Variants in RGS5 observed in about 807,000 individuals in gnomAD.
RGS5 encodes the protein regulator of G-protein signalling 5.
A neutral mutation model predicts 18.9 loss-of-function variants in RGS5; 20 were observed. That is an observed-to-expected ratio of 1.06 (90% CI 0.74 to 1.54). The LOEUF (loss-of-function observed/expected upper bound fraction) is 1.54. Among genes scored for constraint, RGS5 ranks in the 40% most tolerant of loss-of-function variants. RGS5 has a pLI of 0.00. For missense variants in RGS5, 201 were observed against 211.8 expected (o/e 0.95, Z 0.32); for synonymous variants, 57 against 76.2 (o/e 0.75, Z 1.31).
chr1:163,281,488 C>T (rs778779345), intron 2 of RGS5, among the ~76,000 whole-genome samples: 22 of 152,124 alleles, frequency 1.4e-4, no homozygotes, highest in Admixed American at 3.3e-4. Context: ...GCCAGCCAGG[C>T]TCCTTTAAAC....
chr1:163,184,629 C>T (rs1470379451), intron 1 of RGS5, among the ~76,000 whole-genome samples: 4 of 151,924 alleles, frequency 2.6e-5, no homozygotes, highest in Non-Finnish European at 4.4e-5. Context: ...TCTAAGTTGG[C>T]CCAATATAAT....
chr1:163,149,634 T>C (rs758772255), intron 4 of RGS5, among the ~76,000 whole-genome samples: 18 of 152,306 alleles, frequency 1.2e-4, no homozygotes, highest in Non-Finnish European at 1.8e-4. Context: ...TAATTTGCAA[T>C]GTATAAATTA....
chr1:163,173,865 C>T (rs1353779308), intron 1 of RGS5, among the ~76,000 whole-genome samples: 2 of 152,016 alleles, frequency 1.3e-5, no homozygotes, highest in South Asian at 2.1e-4. Context: ...CATGAGGTCA[C>T]GCATTCAAGA....
At chr1:163,315,715 T>C (rs2101653211) in intron 1 of RGS5, among the ~76,000 whole-genome samples, 1 of 152,272 alleles carries the variant, frequency 6.6e-6, no homozygotes, top group African/African-American at 2.4e-5. Context: ...CTAATAAAGA[T>C]GAACACAGCT....
At chr1:163,223,130 C>G (rs947803674) in intron 2 of RGS5, among the ~76,000 whole-genome samples, 2 of 152,192 alleles carry the variant, frequency 1.3e-5, no homozygotes, top group Admixed American at 1.3e-4. Context: ...CAGACATGAG[C>G]CACTGCGCCC....
intron 2 of RGS5, among the ~76,000 whole-genome samples, chr1:163,231,608 A>G (rs897156639): frequency 7.2e-5 from 11 of 152,198 alleles, no homozygotes; most frequent in Admixed American, 5.9e-4. Context: ...GTAAGCCTGA[A>G]GGAATGTTTT....
intron 2 of RGS5, among the ~76,000 whole-genome samples, chr1:163,254,085 A>G (rs2101700411): frequency 6.6e-6 from 1 of 150,812 alleles, no homozygotes; most frequent in South Asian, 2.1e-4. Context: ...AGTCTTTGCT[A>G]TTGTGAATAG....
At chr1:163,263,446 A>G (rs1311815395) in intron 2 of RGS5, among the ~76,000 whole-genome samples, 3 of 152,130 alleles carry the variant, frequency 2.0e-5, no homozygotes, top group Non-Finnish European at 4.4e-5. Context: ...TCAGTTAATT[A>G]TTAGGCTAAG....
intron 1 of RGS5, among the ~76,000 whole-genome samples, chr1:163,189,217 A>C (rs1659238004): frequency 6.6e-6 from 1 of 152,168 alleles, no homozygotes; most frequent in Admixed American, 6.5e-5. Flanking sequence ...ACCGTGGCAA[A>C]ATTAAATGAC....
At position 163,144,079 on chromosome 1, in the gene RGS5, T is replaced by C. The variant is rs1316996403; in HGVS notation, c.*3263A>G. ...AGCATAATTCATACAGTAGAGAATT[T>C]GAGTACACGGGGTATGGAGAGTAGG... is the stretch of plus-strand genomic sequence containing the variant. On this transcript the variant is annotated 3_prime_UTR_variant, in exon 5 of 5. Coordinates refer to ENST00000313961, the MANE Select transcript of RGS5 (RefSeq NM_003617.4). The C allele has an allele frequency of 1.3e-5, 2 of 152,146 alleles. No individual in the cohort carries two copies. The highest frequency in any genetic ancestry group is 4.8e-5 in the African/African-American group (2 of 41,444). 9.4% of individuals were successfully genotyped at this position (152,146 alleles called of 1,614,324 possible). A position where few individuals can be genotyped will look rare whatever the true frequency, so the allele number is the denominator to read the frequency against.
chr1:163,164,274 T>G (rs1657938739), intron 2 of RGS5, among the ~76,000 whole-genome samples: 1 of 152,214 alleles, frequency 6.6e-6, no homozygotes, highest in African/African-American at 2.4e-5. Flanking sequence ...ATAAATGTTC[T>G]GGTTTGCAAG....
intron 2 of RGS5, among the ~76,000 whole-genome samples, chr1:163,165,693 G>A (rs542612699): frequency 3.4e-4 from 51 of 152,216 alleles, no homozygotes; most frequent in Admixed American, 9.8e-4. Context: ...ATCACCTGAG[G>A]TCAGGTGTTC....
intron 1 of RGS5, among the ~76,000 whole-genome samples, chr1:163,180,256 G>A (rs1428335739): frequency 6.6e-6 from 1 of 152,192 alleles, no homozygotes; most frequent in Non-Finnish European, 1.5e-5. Flanking sequence ...AATTACAGGT[G>A]TGAACCGCTG....
At chr1:163,246,440 G>A (rs12129065) in intron 2 of RGS5, among the ~76,000 whole-genome samples, 29,559 of 151,232 alleles carry the variant, frequency 0.2, 3,288 homozygotes, top group Non-Finnish European at 0.25. Context: ...GCACAGTGGC[G>A]TGCACCTGTA....
intron 2 of RGS5, among the ~76,000 whole-genome samples, chr1:163,298,231 T>A (rs1169142594): frequency 6.6e-6 from 1 of 152,124 alleles, no homozygotes; most frequent in East Asian, 1.9e-4. Context: ...CATATGCATG[T>A]ATACAAATAA....
At chr1:163,182,389 G>C (rs1403954059) in intron 1 of RGS5, among the ~76,000 whole-genome samples, 1 of 152,048 alleles carries the variant, frequency 6.6e-6, no homozygotes, top group Non-Finnish European at 1.5e-5. Flanking sequence ...TCACCTCCCT[G>C]GTGCTGTCAT....
At chr1:163,181,200 A>G (rs989606529) in intron 1 of RGS5, among the ~76,000 whole-genome samples, 5 of 151,948 alleles carry the variant, frequency 3.3e-5, no homozygotes, top group Non-Finnish European at 5.9e-5. Context: ...TTCAAACATC[A>G]CTTTCTGCCT....
chr1:163,321,054 A>C (rs560821171), intron 1 of RGS5, among the ~76,000 whole-genome samples: 1 of 152,290 alleles, frequency 6.6e-6, no homozygotes, highest in Non-Finnish European at 1.5e-5. Context: ...ATGGCTTCCT[A>C]ACTTGTGTTA....
At chr1:163,291,891 C>A (rs1649297156) in intron 2 of RGS5, among the ~76,000 whole-genome samples, 1 of 152,180 alleles carries the variant, frequency 6.6e-6, no homozygotes, top group Non-Finnish European at 1.5e-5. Context: ...ACTGCAATGA[C>A]ATGATCTCTG....
Sources: gnomAD v4.1 joint callset for allele counts (sites outside exome capture counted in the v4.1 genomes callset) on GRCh38, gnomAD v4.1.1 for gene constraint, MANE v1.5 for transcripts, NCBI Gene and HGNC (gene_info 2026-07-23, HGNC 2026-07-21) for gene names.